Variants in GCSAML observed in about 807,000 individuals in gnomAD.
GCSAML encodes germinal center associated signaling and motility like, also known as germinal center-associated signaling and motility-like protein.
GCSAML carries 9 observed loss-of-function variants against 13.0 expected under a neutral mutation model. The observed-to-expected ratio is 0.69, with a 90% CI of 0.42 to 1.21. The LOEUF (loss-of-function observed/expected upper bound fraction) is 1.21, where lower values mean the gene tolerates loss of function less well. Ranked by LOEUF, GCSAML falls within the 50% of genes most tolerant of loss-of-function variation. The probability of loss-of-function intolerance (pLI) is 0.00; values close to 1 mark genes in which losing one functional copy is unlikely to be tolerated. For missense variants in GCSAML, 143 were observed against 153.4 expected (o/e 0.93, Z 0.36); for synonymous variants, 37 against 52.9 (o/e 0.70, Z 1.31).
chr1:247,509,617 A>T (rs570626366), intron 1 of GCSAML, among the ~76,000 whole-genome samples: 3 of 152,332 alleles, frequency 2.0e-5, no homozygotes. Flanking sequence ...TTGCCTATTC[A>T]GTATGATAGT....
chr1:247,547,677 GC>G (rs1558250496), upstream of GCSAML, among the ~76,000 whole-genome samples: 1 of 152,200 alleles, frequency 6.6e-6, no homozygotes, highest in Non-Finnish European at 1.5e-5. Context: ...TCTCAGAGAT[GC>G]CGGTGTTTCT....
Position 247,576,145 on chromosome 1 carries a change from G to T in GCSAML, c.*1763G>T, listed in dbSNP as rs1668826496. ...TACACCTTATCTGAATAGCCTGAAGGTAATTTTATACAATATTTTAAATAA... is the reference window on the plus strand; with the variant it reads ...TACACCTTATCTGAATAGCCTGAAGTTAATTTTATACAATATTTTAAATAA... On this transcript the variant is annotated 3_prime_UTR_variant, in exon 5 of 5. Transcript: ENST00000366488. 6.6e-6 allele frequency: 1 copy of T among 152,120 alleles called. No individual in the cohort carries two copies. The highest frequency in any genetic ancestry group is 2.4e-5 in the African/African-American group (1 of 41,424). 9.4% of individuals were successfully genotyped at this position (152,120 alleles called of 1,614,324 possible).
intron 2 of GCSAML, among the ~76,000 whole-genome samples, chr1:247,558,909 A>G (rs1161749882): frequency 3.9e-5 from 6 of 152,142 alleles, no homozygotes; most frequent in African/African-American, 1.4e-4. Context: ...TGTTACCAGT[A>G]TCTGTGTGGT....
At chr1:247,512,677 C>A (rs1224535199) in intron 1 of GCSAML, among the ~76,000 whole-genome samples, 6 of 152,070 alleles carry the variant, frequency 3.9e-5, no homozygotes, top group African/African-American at 1.4e-4. Flanking sequence ...ATGTTGGTGA[C>A]CTTCAGATGG....
intron 1 of GCSAML, among the ~76,000 whole-genome samples, chr1:247,550,249 CT>C (rs1667720932): frequency 6.6e-6 from 1 of 152,166 alleles, no homozygotes; most frequent in East Asian, 1.9e-4. Context: ...TTCCCCACAC[CT>C]GATGGTTCAT....
Position 247,577,197 on chromosome 1 carries a change from C to A in GCSAML, c.*2815C>A, listed in dbSNP as rs1254882573. ...TCTTTTATGCATATAAATATTTGAA[C>A]ATTTTACATTGTTTATATTTTTAAT... On this transcript the variant is annotated 3_prime_UTR_variant, in exon 5 of 5. Coordinates refer to ENST00000366488, the MANE Select transcript of GCSAML (RefSeq NM_145278.5). 7 of 152,116 alleles carry A rather than the reference C, an allele frequency of 4.6e-5. No individual in the cohort carries two copies. The highest frequency in any genetic ancestry group is 2.9e-5 in the Non-Finnish European group (2 of 68,008). The allele number at this position is 152,116 out of a possible 1,614,324, so 9.4% of individuals were successfully genotyped here. A position where few individuals can be genotyped will look rare whatever the true frequency, so the allele number is the denominator to read the frequency against.
At position 247,558,498 on chromosome 1, in the gene GCSAML, C is replaced by G. The variant is rs185354266; in HGVS notation, c.89+2032C>G. Reference sequence around the variant, plus strand: ...TACTCAGTCATGTAGTCACCACAATCAAGATACAGAATATTTCCACCACCC... The same window carrying G: ...TACTCAGTCATGTAGTCACCACAATGAAGATACAGAATATTTCCACCACCC... On this transcript the variant is annotated intron_variant, in intron 2 of 4. Transcript: ENST00000366488. 6.6e-5 allele frequency among the ~76,000 whole-genome samples: 10 copies of G among 152,260 alleles called. No homozygotes were observed. The East Asian group carries it at 1.9e-3, about 29-fold the overall frequency.
intron 2 of GCSAML, 88 bp from the exon 3 acceptor site, chr1:247,563,502 G>C: frequency 1.4e-6 from 1 of 726,302 alleles, no homozygotes; most frequent in Non-Finnish European, 2.4e-6. Context: ...ATGGCCTTAG[G>C]TTAAGGGCAA....
intron 2 of GCSAML, chr1:247,532,680 T>C: frequency 1.5e-6 from 1 of 673,782 alleles, no homozygotes; most frequent in Non-Finnish European, 2.4e-6. Flanking sequence ...CGGGCTAACT[T>C]CAAACTCTTG....
At chr1:247,510,674 T>A (rs748707006) in intron 1 of GCSAML, among the ~76,000 whole-genome samples, 2 of 152,226 alleles carry the variant, frequency 1.3e-5, no homozygotes, top group Non-Finnish European at 2.9e-5. Context: ...ATCTTAGTTG[T>A]GTCCCAGAGA....
intron 1 of GCSAML, chr1:247,518,385 C>A (rs6700954): frequency 1.3e-5 from 2 of 152,310 alleles, no homozygotes; most frequent in South Asian, 2.1e-4. Flanking sequence ...TGGCCTCGGC[C>A]CCTCGGGGGC....
Position 247,526,684 on chromosome 1 carries a change from C to T in GCSAML, c.-262-256C>T, listed in dbSNP as rs1666695144. The T allele has an allele frequency of 1.5e-5, 5 of 338,678 alleles. No homozygotes were observed. The highest frequency in any genetic ancestry group is 2.3e-5 in the Non-Finnish European group (4 of 174,480). The allele number at this position is 338,678 out of a possible 1,614,324, so 21.0% of individuals were successfully genotyped here. A position where few individuals can be genotyped will look rare whatever the true frequency, so the allele number is the denominator to read the frequency against. ...ACCCATACATGAAGTAGAGGGTTCA[C>T]AGAGCAGGTTTGGGATGATCCAGGT... On this transcript the variant is annotated intron_variant, in intron 1 of 5. Transcript: ENST00000366489. The surrounding 1 kb of genome is among the most constrained non-coding windows in gnomAD (Gnocchi z 4.8).
chr1:247,552,446 G>T (rs1341084810), intron 1 of GCSAML, among the ~76,000 whole-genome samples: 1 of 152,200 alleles, frequency 6.6e-6, no homozygotes, highest in Admixed American at 6.5e-5. Context: ...CTTGGGCAGT[G>T]CCTAATTTGC....
chr1:247,573,582 C>T (rs1050463616), intron 4 of GCSAML, among the ~76,000 whole-genome samples: 17 of 152,238 alleles, frequency 1.1e-4, no homozygotes, highest in South Asian at 1.0e-3. Flanking sequence ...AGAAATCACC[C>T]GCCTTCTCTA....
chr1:247,514,966 T>A (rs1403922912), intron 1 of GCSAML, among the ~76,000 whole-genome samples: 1 of 152,160 alleles, frequency 6.6e-6, no homozygotes, highest in Admixed American at 6.5e-5. Flanking sequence ...TCCATGTAAA[T>A]TTTAGGATTG....
chr1:247,532,662 G>A (rs140172211), intron 2 of GCSAML: 2 of 743,098 alleles, frequency 2.7e-6, no homozygotes, highest in African/African-American at 3.5e-5. Context: ...CAATTTCACT[G>A]TGTTGCCCGG....
chr1:247,510,542 C>T (rs185427323), intron 1 of GCSAML, among the ~76,000 whole-genome samples: 2 of 152,182 alleles, frequency 1.3e-5, no homozygotes, highest in East Asian at 3.9e-4. Context: ...CTTCTGCTAG[C>T]TTTTGAATTT....
At chr1:247,537,171 C>G (rs1382501285) in intron 2 of GCSAML, among the ~76,000 whole-genome samples, 1 of 152,158 alleles carries the variant, frequency 6.6e-6, no homozygotes, top group African/African-American at 2.4e-5. Flanking sequence ...TCTGCTTTCT[C>G]TATGTATGGA....
At chr1:247,555,731 C>T (rs1667925057) in intron 1 of GCSAML, among the ~76,000 whole-genome samples, 1 of 152,176 alleles carries the variant, frequency 6.6e-6, no homozygotes, top group Non-Finnish European at 1.5e-5. Context: ...TATGTGTGGA[C>T]AACTGGTGGA....
Sources: gnomAD v4.1 joint callset for allele counts (sites outside exome capture counted in the v4.1 genomes callset) on GRCh38, gnomAD v4.1.1 for gene constraint, Gnocchi (gnomAD v3.1) non-coding constraint, MANE v1.5 for transcripts, NCBI Gene and HGNC (gene_info 2026-07-23, HGNC 2026-07-21) for gene names.